MTTP: variants seen among roughly 807,000 people sequenced by gnomAD.
MTTP encodes the protein microsomal triglyceride transfer protein large subunit.
A neutral mutation model predicts 90.6 loss-of-function variants in MTTP; 49 were observed. The observed-to-expected ratio is 0.54, with a 90% CI of 0.43 to 0.69. The LOEUF (loss-of-function observed/expected upper bound fraction) is 0.69, where lower values mean the gene tolerates loss of function less well. Among genes scored for constraint, MTTP ranks in the 30% least tolerant of loss-of-function variants. The pLI is 0.00. For synonymous variants in MTTP, 347 were observed against 384.2 expected (o/e 0.90, Z 1.13); for missense variants, 945 against 1,067.5 (o/e 0.89, Z 1.60).
intron 1 of MTTP, among the ~76,000 whole-genome samples, chr4:99,581,376 T>C (rs565034535): frequency 3.8e-4 from 58 of 152,358 alleles, no homozygotes; most frequent in African/African-American, 1.4e-3. Flanking sequence ...TGTACCTTTG[T>C]ACTAAAAGTT....
chr4:99,591,095 G>T, intron 4 of MTTP, 140 bp from the exon 5 acceptor site: 1 of 706,788 alleles, frequency 1.4e-6, no homozygotes, highest in Non-Finnish European at 2.5e-6. Flanking sequence ...CCTTGTTCTT[G>T]TCTTTGTATC....
rs1725832703 is a variant in MTTP at position 99,606,954 on chromosome 4, T to C, written c.1551T>C (p.Thr517=). Residue 517 remains threonine (T), a synonymous_variant, in exon 11 of 18, where the codon ACT becomes ACC. Transcript: ENST00000265517. ...AGAGATATGATCTCCCTTTCATAACTGATGAGGTAAAATCTCCAAGAATAT... is the reference window on the plus strand; with the variant it reads ...AGAGATATGATCTCCCTTTCATAACCGATGAGGTAAAATCTCCAAGAATAT... ...ALQRYDLPFI[T]DEVKKTLNRI... 1.9e-6 allele frequency: 3 copies of C among 1,612,486 alleles called. No homozygotes were observed. The highest frequency in any genetic ancestry group is 2.5e-6 in the Non-Finnish European group (3 of 1,179,288).
chr4:99,606,798 G>GA lies in MTTP; in HGVS notation c.1401dup (p.Glu468ArgfsTer45), dbSNP rs1725827762. Reference sequence around the variant, plus strand: ...TCCTGGGAGGACTTGAAAAAGCAGAGAAAAAAGAGGACACCAGGATGTATC... The same window carrying GA: ...TCCTGGGAGGACTTGAAAAAGCAGAGAAAAAAAGAGGACACCAGGATGTATC... On this transcript the variant is annotated frameshift_variant, in exon 11 of 18. Transcript: ENST00000265517. LOFTEE classifies it high-confidence loss of function. The GA allele has an allele frequency of 6.2e-7, 1 of 1,613,942 alleles. No individual in the cohort carries two copies. Among genetic ancestry groups the GA allele is most frequent in the Non-Finnish European group, 8.5e-7 (1 of 1,179,968 alleles).
intron 5 of MTTP, 24 bp from the exon 6 acceptor site, chr4:99,591,627 A>G (rs1453418040): frequency 1.2e-6 from 2 of 1,605,758 alleles, no homozygotes; most frequent in Non-Finnish European, 1.7e-6. Flanking sequence ...TACTTGTTAT[A>G]AAGATGGCTA....
rs556994625 is a variant in MTTP, at chr4:99,623,230, T to C, written c.*382T>C. 520 of 212,254 alleles carry C rather than the reference T, an allele frequency of 2.4e-3. No homozygotes were observed. Among genetic ancestry groups the C allele is most frequent in the Non-Finnish European group, 3.6e-3 (380 of 104,128 alleles). The allele number at this position is 212,254 out of a possible 1,614,324, so 13.1% of individuals were successfully genotyped here. A position where few individuals can be genotyped will look rare whatever the true frequency, so the allele number is the denominator to read the frequency against. On this transcript the variant is annotated 3_prime_UTR_variant, in exon 18 of 18. Transcript: ENST00000265517. ...TTTTTGATCAATGTATATGAAGCTCTTGATAGGACTTCCTTAAGCATGACG... is the reference window on the plus strand; with the variant it reads ...TTTTTGATCAATGTATATGAAGCTCCTGATAGGACTTCCTTAAGCATGACG...
At chr4:99,591,520 T>C (rs1325222633) in intron 5 of MTTP, 131 bp from the exon 6 acceptor site, 2 of 1,128,008 alleles carry the variant, frequency 1.8e-6, no homozygotes, top group African/African-American at 3.1e-5. Flanking sequence ...TCAATTGTTG[T>C]AGGTGTTAGT....
chr4:99,601,109 G>A (rs1486299597), intron 9 of MTTP, among the ~76,000 whole-genome samples: 1 of 152,042 alleles, frequency 6.6e-6, no homozygotes, highest in Non-Finnish European at 1.5e-5. Flanking sequence ...ACATTGAAGA[G>A]ATACAATTCT....
Position 99,581,942 on chromosome 4 carries a change from G to A in MTTP, c.99G>A (p.Leu33=), listed in dbSNP as rs1481131314. Residue 33 remains leucine (L), a synonymous_variant, in exon 2 of 18, where the codon CTG becomes CTA. Coordinates refer to ENST00000265517, the MANE Select transcript of MTTP (RefSeq NM_001386140.1). The part of the protein sequence containing the change: ...TTGLSLNNDR[L]YKLTYSTEVL... ...GTCTCTCATTAAATAATGACCGGCT[G>A]TACAAGCTCACGTACTCCACTGAAG... 1.9e-6 allele frequency: 3 copies of A among 1,614,144 alleles called. No homozygotes were observed. Among genetic ancestry groups the A allele is most frequent in the Admixed American group, 1.7e-5 (1 of 60,026 alleles).
intron 15 of MTTP, among the ~76,000 whole-genome samples, chr4:99,618,236 C>G (rs1265459547): frequency 1.3e-5 from 2 of 152,082 alleles, no homozygotes; most frequent in African/African-American, 4.8e-5. Context: ...GACTTGAGCA[C>G]CCTTGGATTT....
In MTTP at chr4:99,611,166, A is replaced by C; in HGVS notation, c.1793A>C (p.Lys598Thr). Residue 598 changes from lysine to threonine, a missense_variant, in exon 13 of 18, where the codon AAG (lysine) becomes ACG (threonine). Lys to Thr is a moderately conservative substitution (Grantham distance 78). Coordinates refer to ENST00000265517, the MANE Select transcript of MTTP (RefSeq NM_001386140.1). The part of the protein sequence containing the change: ...PASKIVRRVL[K>T]EMVAHNYDRF... Reference sequence around the variant, plus strand: ...AGCAAAATTGTCCGTCGAGTTCTGAAGGAAATGGTCGCTCACAATTATGAC... The same window carrying C: ...AGCAAAATTGTCCGTCGAGTTCTGACGGAAATGGTCGCTCACAATTATGAC... 6.2e-7 allele frequency: 1 copy of C among 1,614,000 alleles called. No homozygotes were observed. Among genetic ancestry groups the C allele is most frequent in the South Asian group, 1.1e-5 (1 of 91,072 alleles).
chr4:99,616,324 C>T (rs1419132535), intron 15 of MTTP, among the ~76,000 whole-genome samples: 2 of 152,114 alleles, frequency 1.3e-5, no homozygotes, highest in Non-Finnish European at 2.9e-5. Context: ...TGCTTGAGCC[C>T]AGCAGGTTGA....
intron 1 of MTTP, among the ~76,000 whole-genome samples, chr4:99,578,397 G>A (rs1725019675): frequency 6.6e-6 from 1 of 152,206 alleles, no homozygotes; most frequent in Non-Finnish European, 1.5e-5. Flanking sequence ...ATGCCCCAAT[G>A]CCCAGTGTTG....
rs113337987 is a variant in MTTP at position 99,611,445 on chromosome 4, G to A, written c.1981G>A (p.Gly661Ser). 0.024 allele frequency: 38,979 copies of A among 1,613,842 alleles called. 951 individuals are homozygous for A. The highest frequency in any genetic ancestry group is 0.11 in the Middle Eastern group (660 of 6,058). Residue 661 changes from glycine to serine, a missense_variant, in exon 14 of 18, where the codon GGT (glycine) becomes AGT (serine). Physicochemically the swap from Gly to Ser is moderately conservative, Grantham distance 56. Coordinates refer to ENST00000265517, the MANE Select transcript of MTTP (RefSeq NM_001386140.1). ...GTACATTGGGAAGGCTGGTCTTCACGGTAGCCAGGTAACTCACTTCTCATG... is the reference window on the plus strand; with the variant it reads ...GTACATTGGGAAGGCTGGTCTTCACAGTAGCCAGGTAACTCACTTCTCATG... ...FQYIGKAGLH[G>S]SQVVIEAQGL... is the part of the protein sequence containing the mutation.
In MTTP at chr4:99,622,742, A is replaced by C; in HGVS notation, c.2579A>C (p.Glu860Ala). The change falls in exon 18 of 18, where the codon GAA (glutamate) becomes GCA (alanine). Residue 860 changes from glutamate (E) to alanine (A), a missense_variant. By Grantham distance (107) the Glu-to-Ala change is moderately radical (BLOSUM62 -1). Coordinates refer to ENST00000265517, the MANE Select transcript of MTTP (RefSeq NM_001386140.1). The part of the protein sequence containing the change: ...GRGYVSQKRK[E>A]SVLAGCEFPL... ...GGTTATGTCTCTCAGAAAAGAAAAG[A>C]AAGCGTATTAGCAGGATGTGAATTC... 6.2e-7 allele frequency: 1 copy of C among 1,614,156 alleles called. No individual in the cohort carries two copies. The highest frequency in any genetic ancestry group is 1.3e-5 in the African/African-American group (1 of 75,070).
chr4:99,604,122 C>T (rs988282985), intron 10 of MTTP, among the ~76,000 whole-genome samples: 2 of 151,934 alleles, frequency 1.3e-5, no homozygotes, highest in African/African-American at 2.4e-5. Context: ...CACTCATCTA[C>T]GTTTTGTCCA....
At chr4:99,605,183 G>A (rs1018974820) in intron 10 of MTTP, among the ~76,000 whole-genome samples, 6 of 151,922 alleles carry the variant, frequency 3.9e-5, no homozygotes, top group African/African-American at 1.5e-4. Context: ...AGGTCTCATC[G>A]CTTCTCGATG....
chr4:99,575,552 A>C (rs1461181926), intron 1 of MTTP, among the ~76,000 whole-genome samples: 2 of 152,248 alleles, frequency 1.3e-5, no homozygotes, highest in African/African-American at 2.4e-5. Context: ...TTAAGAAATA[A>C]GACATTATCT....
chr4:99,591,562 T>A, intron 5 of MTTP, 89 bp from the exon 6 acceptor site: 1 of 1,436,756 alleles, frequency 7.0e-7, no homozygotes, highest in East Asian at 2.4e-5. Flanking sequence ...GGAAGCTGTT[T>A]GTAGACTGAA....
chr4:99,591,583 C>T (rs1725421640), intron 5 of MTTP, 68 bp from the exon 6 acceptor site: 1 of 1,523,376 alleles, frequency 6.6e-7, no homozygotes, highest in Admixed American at 1.8e-5. Flanking sequence ...AGACAGTTTG[C>T]TATTTGACTT....
Sources: allele counts gnomAD v4.1 joint callset (sites outside exome capture counted in the v4.1 genomes callset), GRCh38; gene constraint gnomAD v4.1.1; transcripts MANE v1.5; gene names NCBI Gene and HGNC (gene_info 2026-07-23, HGNC 2026-07-21).